Variants in ZNG1F observed in about 807,000 individuals in gnomAD.
ZNG1F encodes Zn regulated GTPase metalloprotein activator 1F.
the ZNG1F span, among the ~76,000 whole-genome samples, chr9:41,154,840 T>C: frequency 2.7e-5 from 4 of 149,754 alleles, no homozygotes; most frequent in African/African-American, 7.4e-5. Context: ...TTACACCTTA[T>C]ACAAAAATCA....
At chr9:41,144,563 T>C in the ZNG1F span, among the ~76,000 whole-genome samples, 3 of 146,286 alleles carry the variant, frequency 2.1e-5, 1 homozygote, top group Admixed American at 7.0e-5. Context: ...CAAATGCAAG[T>C]AGCTGTTATC....
chr9:41,199,865 G>A, the ZNG1F span, among the ~76,000 whole-genome samples: 1 of 149,552 alleles, frequency 6.7e-6, no homozygotes, highest in African/African-American at 2.4e-5. Context: ...TGCACCCTCT[G>A]AAGCAACAGA....
chr9:41,151,706 TAAAGA>T, the ZNG1F span, among the ~76,000 whole-genome samples: 1 of 149,606 alleles, frequency 6.7e-6, no homozygotes, highest in Non-Finnish European at 1.5e-5. Flanking sequence ...TCAACATTCT[TAAAGA>T]AAAGAATTTT....
At chr9:41,175,067 A>G in the ZNG1F span, among the ~76,000 whole-genome samples, 2 of 142,896 alleles carry the variant, frequency 1.4e-5, no homozygotes, top group African/African-American at 5.3e-5. Context: ...TTTTGAAAGC[A>G]TCACAGGCCC....
the ZNG1F span, among the ~76,000 whole-genome samples, chr9:41,184,540 A>G: frequency 2.0e-5 from 3 of 149,032 alleles, no homozygotes; most frequent in South Asian, 6.4e-4. Flanking sequence ...ATCTATAAGA[A>G]TTATTTTAAA....
the ZNG1F span, chr9:41,183,791 C>T: frequency 4.7e-6 from 7 of 1,503,022 alleles, no homozygotes; most frequent in Non-Finnish European, 5.4e-6. Flanking sequence ...AACTTATATT[C>T]TTTCACTTTA....
the ZNG1F span, among the ~76,000 whole-genome samples, chr9:41,192,936 C>G: frequency 6.6e-6 from 1 of 151,902 alleles, no homozygotes; most frequent in African/African-American, 2.4e-5. Context: ...TATTTTGTCT[C>G]ATTTACTTTA....
the ZNG1F span, among the ~76,000 whole-genome samples, chr9:41,138,035 TG>T: frequency 2.5e-5 from 2 of 78,988 alleles, no homozygotes; most frequent in East Asian, 3.7e-4. Flanking sequence ...CTGTATACCT[TG>T]TTTTTTTGTT....
the ZNG1F span, among the ~76,000 whole-genome samples, chr9:41,141,115 G>T: frequency 3.9e-3 from 594 of 151,092 alleles, 5 homozygotes; most frequent in African/African-American, 0.014. Flanking sequence ...TCCAGTATGA[G>T]ACAAAAAAGG....
chr9:41,177,546 G>A, the ZNG1F span: 1 of 113,530 alleles, frequency 8.8e-6, no homozygotes, highest in Admixed American at 9.2e-5. Context: ...TTATTTTTCA[G>A]GAACGAAAGC....
chr9:41,203,258 A>T, the ZNG1F span, among the ~76,000 whole-genome samples: 1 of 152,176 alleles, frequency 6.6e-6, no homozygotes, highest in South Asian at 2.1e-4. Context: ...CTTTGAAGCT[A>T]TGTAAATGTC....
At chr9:41,135,519 A>AT in the ZNG1F span, among the ~76,000 whole-genome samples, 1 of 18,036 alleles carries the variant, frequency 5.5e-5, no homozygotes, top group Non-Finnish European at 1.1e-4. Context: ...TATTTTTTTG[A>AT]TTTTTTTATT....
chr9:41,204,911 T>G, the ZNG1F span, among the ~76,000 whole-genome samples: 1 of 150,294 alleles, frequency 6.7e-6, no homozygotes, highest in Non-Finnish European at 1.5e-5. Context: ...ATGTTTTTAT[T>G]GTAGTTTTGG....
At chr9:41,154,823 C>T in the ZNG1F span, among the ~76,000 whole-genome samples, 8 of 150,090 alleles carry the variant, frequency 5.3e-5, no homozygotes, top group African/African-American at 2.0e-4. Flanking sequence ...GAAACTGGAT[C>T]CCTTCCTTAC....
At chr9:41,173,599 T>C in the ZNG1F span, among the ~76,000 whole-genome samples, 1 of 138,394 alleles carries the variant, frequency 7.2e-6, no homozygotes, top group Non-Finnish European at 1.6e-5. Flanking sequence ...GTTTAATTCT[T>C]ATCTTCAAGA....
At chr9:41,185,551 T>C in the ZNG1F span, among the ~76,000 whole-genome samples, 27 of 147,898 alleles carry the variant, frequency 1.8e-4, no homozygotes, top group Admixed American at 1.6e-3. Flanking sequence ...CGCATGCCTG[T>C]AGTCCCAGCT....
At chr9:41,150,384 C>T in the ZNG1F span, among the ~76,000 whole-genome samples, 4 of 146,530 alleles carry the variant, frequency 2.7e-5, no homozygotes, top group Middle Eastern at 3.5e-3. Context: ...AAGGCGGCAG[C>T]GAGGCTGGGG....
At chr9:41,193,636 A>G in the ZNG1F span, among the ~76,000 whole-genome samples, 1 of 150,184 alleles carries the variant, frequency 6.7e-6, no homozygotes, top group South Asian at 2.1e-4. Context: ...ACAGTGGCTC[A>G]TGCCTGTAAT....
At chr9:41,196,757 A>G in the ZNG1F span, among the ~76,000 whole-genome samples, 6 of 71,544 alleles carry the variant, frequency 8.4e-5, 1 homozygote, top group African/African-American at 2.0e-4. Context: ...TAGTATTTAT[A>G]TATAAATTTT....
Sources: gnomAD v4.1 joint callset for allele counts (sites outside exome capture counted in the v4.1 genomes callset) on GRCh38, gnomAD v4.1.1 for gene constraint, MANE v1.5 for transcripts, NCBI Gene and HGNC (gene_info 2026-07-23, HGNC 2026-07-21) for gene names.